Variants in DGKB observed in about 807,000 individuals in gnomAD.
DGKB encodes the protein 90 kDa diacylglycerol kinase.
In DGKB, 67 loss-of-function variants were observed where a neutral mutation model predicts 114.3. That is an observed-to-expected ratio of 0.59 (90% confidence interval 0.48 to 0.72). DGKB has a LOEUF of 0.72. Ranked by LOEUF, DGKB falls within the 30% of genes least tolerant of loss-of-function variation. The pLI is 0.00. For missense variants in DGKB, 907 were observed against 975.2 expected, an observed-to-expected ratio of 0.93 and a Z score of 0.93; for synonymous variants, 398 against 323.1, an observed-to-expected ratio of 1.23 and a Z score of -2.49.
chr7:14,415,242 T>A (rs1825519225), intron 21 of DGKB, among the ~76,000 whole-genome samples: 1 of 151,968 alleles, frequency 6.6e-6, no homozygotes, highest in Non-Finnish European at 1.5e-5. Context: ...TTGAGTCAAA[T>A]GACATTCATA....
At chr7:14,320,426 C>G (rs1316496023) in intron 23 of DGKB, among the ~76,000 whole-genome samples, 1 of 152,086 alleles carries the variant, frequency 6.6e-6, no homozygotes, top group African/African-American at 2.4e-5. Flanking sequence ...TTTCTGCTGC[C>G]AATGCCATAG....
At chr7:14,833,442 G>A (rs1223080528) in intron 2 of DGKB, among the ~76,000 whole-genome samples, 1 of 151,944 alleles carries the variant, frequency 6.6e-6, no homozygotes, top group Non-Finnish European at 1.5e-5. Flanking sequence ...AGATTGATTT[G>A]TTAATAAATA....
intron 2 of DGKB, among the ~76,000 whole-genome samples, chr7:14,783,026 T>C (rs1358659140): frequency 1.3e-5 from 2 of 152,178 alleles, no homozygotes; most frequent in Admixed American, 6.5e-5. Flanking sequence ...TATTATTTTA[T>C]ACTATTCTCT....
intron 7 of DGKB, among the ~76,000 whole-genome samples, chr7:14,700,304 C>G (rs760663158): frequency 6.6e-6 from 1 of 151,590 alleles, no homozygotes; most frequent in Non-Finnish European, 1.5e-5. Context: ...ACCTCCGCCT[C>G]CCGGGTTCAA....
At chr7:14,943,818 A>G (rs1020186975) in intron 1 of DGKB, among the ~76,000 whole-genome samples, 8 of 151,950 alleles carry the variant, frequency 5.3e-5, no homozygotes, top group Non-Finnish European at 1.2e-4. Flanking sequence ...AAAATCTATT[A>G]CTTCTGAATT....
intron 2 of DGKB, among the ~76,000 whole-genome samples, chr7:14,829,346 G>A (rs868512062): frequency 6.6e-6 from 1 of 152,252 alleles, no homozygotes; most frequent in South Asian, 2.1e-4. Flanking sequence ...AAGTCAGAAA[G>A]TACCATGAGA....
chr7:14,962,570 T>C (rs1786909470), intron 1 of DGKB, among the ~76,000 whole-genome samples: 1 of 152,062 alleles, frequency 6.6e-6, no homozygotes, highest in Non-Finnish European at 1.5e-5. Flanking sequence ...TACCTGTGCT[T>C]TCACATAACA....
chr7:14,645,371 T>C (rs1362848451), intron 13 of DGKB, among the ~76,000 whole-genome samples: 1 of 152,062 alleles, frequency 6.6e-6, no homozygotes, highest in Non-Finnish European at 1.5e-5. Flanking sequence ...TGCTGAGCTA[T>C]AGGTGGTGAG....
intron 14 of DGKB, 68 bp downstream of exon 14, chr7:14,630,167 CT>C: frequency 9.6e-7 from 1 of 1,042,228 alleles, no homozygotes; most frequent in Non-Finnish European, 1.4e-6. Flanking sequence ...ACAAAATGTT[CT>C]TTACAGCAAT....
chr7:14,881,007 G>C (rs1448166971), intron 1 of DGKB, among the ~76,000 whole-genome samples: 2 of 151,972 alleles, frequency 1.3e-5, no homozygotes, highest in African/African-American at 4.8e-5. Flanking sequence ...GAGGCTGTTA[G>C]GCCAAAGATT....
intron 1 of DGKB, among the ~76,000 whole-genome samples, chr7:14,958,543 T>C (rs1786656251): frequency 6.6e-6 from 1 of 151,924 alleles, no homozygotes; most frequent in African/African-American, 2.4e-5. Flanking sequence ...GAAATTTCTC[T>C]TTCAATATTC....
chr7:14,908,845 G>T, intron 1 of DGKB, among the ~76,000 whole-genome samples: 1 of 152,044 alleles, frequency 6.6e-6, no homozygotes, highest in Admixed American at 6.6e-5. Flanking sequence ...CTTTAACAAA[G>T]CACTTTGTTG....
intron 25 of DGKB, among the ~76,000 whole-genome samples, chr7:14,170,005 A>G (rs574022180): frequency 1.6e-3 from 240 of 151,648 alleles, no homozygotes; most frequent in Middle Eastern, 3.4e-3. Context: ...GTGGTGGCAC[A>G]TGCCTGTAAT....
chr7:14,648,109 G>C (rs944836955), intron 13 of DGKB, among the ~76,000 whole-genome samples: 2 of 152,230 alleles, frequency 1.3e-5, no homozygotes, highest in African/African-American at 4.8e-5. Flanking sequence ...GGTAAACAAA[G>C]CTGCCAGGAA....
rs553573399 is a variant in DGKB at position 14,303,226 on chromosome 7, C to T, written c.2122+35289G>A. ...GTTCAGGTGGTAATGACAAAGTTTTCGTAATGATACAAGTTATTTGTAATG... is the reference window on the plus strand; with the variant it reads ...GTTCAGGTGGTAATGACAAAGTTTTTGTAATGATACAAGTTATTTGTAATG... On this transcript the variant is annotated intron_variant, in intron 23 of 25. Coordinates refer to ENST00000402815, the MANE Select transcript of DGKB (RefSeq NM_001350709.2). Among the ~76,000 whole-genome samples, 6 of 152,124 alleles carry T rather than the reference C, an allele frequency of 3.9e-5. No homozygotes were observed. The South Asian group carries it at 1.2e-3, about 32-fold the overall frequency.
At chr7:14,207,387 C>T (rs1425462432) in intron 23 of DGKB, among the ~76,000 whole-genome samples, 1 of 151,978 alleles carries the variant, frequency 6.6e-6, no homozygotes, top group Non-Finnish European at 1.5e-5. Context: ...CAGGCAGAAA[C>T]AGTTCTGGCC....
At chr7:14,713,424 G>T (rs1010773051) in intron 6 of DGKB, among the ~76,000 whole-genome samples, 1 of 122,134 alleles carries the variant, frequency 8.2e-6, no homozygotes, top group Non-Finnish European at 1.9e-5. Flanking sequence ...TTTAAAAGCA[G>T]AGGTGAAAAA....
At chr7:14,848,726 G>T (rs1270219221) in intron 1 of DGKB, among the ~76,000 whole-genome samples, 2 of 152,128 alleles carry the variant, frequency 1.3e-5, no homozygotes, top group Non-Finnish European at 2.9e-5. Flanking sequence ...ACTTTTCCCA[G>T]ACAAGAATCA....
At chr7:14,630,354 C>T (rs1165187311) in intron 13 of DGKB, 86 bp from the exon 14 acceptor site, 3 of 904,426 alleles carry the variant, frequency 3.3e-6, no homozygotes, top group Non-Finnish European at 4.9e-6. Context: ...CATTACATGC[C>T]TGTGAAATAA....
Sources: gnomAD v4.1 joint callset for allele counts (sites outside exome capture counted in the v4.1 genomes callset) on GRCh38, gnomAD v4.1.1 for gene constraint, MANE v1.5 for transcripts, NCBI Gene and HGNC (gene_info 2026-07-23, HGNC 2026-07-21) for gene names.